Variants in UHRF2 observed in about 807,000 individuals in gnomAD.
The protein encoded by UHRF2 is ubiquitin like with PHD and ring finger domains 2, also known as E3 ubiquitin-protein ligase UHRF2.
UHRF2 carries 23 observed loss-of-function variants against 96.8 expected under a neutral mutation model. The ratio of observed to expected loss-of-function variants is 0.24; its 90% confidence interval spans 0.17 to 0.34. UHRF2 has a LOEUF of 0.34. Among genes scored for constraint, UHRF2 ranks in the 10% least tolerant of loss-of-function variants. UHRF2 has a pLI of 1.00. For missense variants in UHRF2, 685 were observed against 981.5 expected (o/e 0.70, Z 4.04); for synonymous variants, 385 against 332.6 (o/e 1.16, Z -1.72).
intron 9 of UHRF2, among the ~76,000 whole-genome samples, chr9:6,488,173 G>T (rs538156074): frequency 6.9e-6 from 1 of 145,418 alleles, no homozygotes; most frequent in Non-Finnish European, 1.5e-5. Context: ...AGCTCAGGAG[G>T]TCGAGGCTGT....
chr9:6,459,966 T>C (rs1387361979), intron 3 of UHRF2, among the ~76,000 whole-genome samples: 1 of 152,138 alleles, frequency 6.6e-6, no homozygotes, highest in Non-Finnish European at 1.5e-5. Context: ...GAGTGAGACC[T>C]TGTCTCAGAA....
chr9:6,478,598 A>G (rs909622279), intron 6 of UHRF2, among the ~76,000 whole-genome samples: 1 of 152,298 alleles, frequency 6.6e-6, no homozygotes, highest in African/African-American at 2.4e-5. Context: ...CCAAAGTTGA[A>G]CCTTTTAATA....
intron 9 of UHRF2, among the ~76,000 whole-genome samples, chr9:6,491,124 T>A (rs1587871852): frequency 6.6e-6 from 1 of 152,330 alleles, no homozygotes; most frequent in East Asian, 1.9e-4. Flanking sequence ...GCCTTGTATT[T>A]TGGTGACCTC....
At chr9:6,499,300 A>G (rs1478169316) in intron 12 of UHRF2, 1 of 146,804 alleles carries the variant, frequency 6.8e-6, no homozygotes, top group Non-Finnish European at 1.5e-5. Context: ...TGATAGATAG[A>G]ATGTATTACT....
At chr9:6,452,860 T>G (rs544978089) in intron 3 of UHRF2, among the ~76,000 whole-genome samples, 1 of 152,238 alleles carries the variant, frequency 6.6e-6, no homozygotes, top group East Asian at 1.9e-4. Context: ...AGAGTGGAGC[T>G]TTAGAGTTGT....
intron 3 of UHRF2, among the ~76,000 whole-genome samples, chr9:6,436,529 A>T (rs1487571829): frequency 6.6e-6 from 1 of 152,232 alleles, no homozygotes; most frequent in Non-Finnish European, 1.5e-5. Context: ...GAAAACTACT[A>T]CCTTGAATCT....
intron 3 of UHRF2, among the ~76,000 whole-genome samples, chr9:6,438,421 G>C (rs1408259248): frequency 6.6e-6 from 1 of 152,184 alleles, no homozygotes; most frequent in Non-Finnish European, 1.5e-5. Flanking sequence ...TCACATTTTT[G>C]TACTTTAACT....
intron 8 of UHRF2, among the ~76,000 whole-genome samples, chr9:6,483,932 G>C (rs1824088056): frequency 6.6e-6 from 1 of 152,072 alleles, no homozygotes; most frequent in South Asian, 2.1e-4. Flanking sequence ...CGGGTGATCT[G>C]CCTGTCTCAG....
intron 4 of UHRF2, among the ~76,000 whole-genome samples, chr9:6,472,996 A>C (rs1189828241): frequency 3.9e-5 from 6 of 152,370 alleles, no homozygotes; most frequent in African/African-American, 1.4e-4. Flanking sequence ...TATGTTTAAA[A>C]TGTATAGGGT....
At chr9:6,438,496 CAAA>C (rs1554623157) in intron 3 of UHRF2, among the ~76,000 whole-genome samples, 8 of 152,162 alleles carry the variant, frequency 5.3e-5, no homozygotes, top group Non-Finnish European at 2.9e-5. Context: ...GTATTTCTCT[CAAA>C]GAACTACTTT....
chr9:6,432,402 C>T (rs541420140), intron 2 of UHRF2, among the ~76,000 whole-genome samples: 3 of 152,254 alleles, frequency 2.0e-5, no homozygotes, highest in Non-Finnish European at 4.4e-5. Flanking sequence ...TTTCTAAGTT[C>T]CTCACTTACC....
chr9:6,418,289 A>C (rs1203096449), intron 1 of UHRF2, among the ~76,000 whole-genome samples: 1 of 149,308 alleles, frequency 6.7e-6, no homozygotes, highest in East Asian at 1.9e-4. Context: ...AAATCAAGGA[A>C]GCAATATTCC....
chr9:6,425,957 T>G (rs1459429087), intron 2 of UHRF2, among the ~76,000 whole-genome samples: 2 of 152,252 alleles, frequency 1.3e-5, no homozygotes, highest in Non-Finnish European at 2.9e-5. Context: ...CTTTTCATCT[T>G]TGGCCAGAGT....
At chr9:6,424,562 A>C (rs1820132663) in intron 2 of UHRF2, among the ~76,000 whole-genome samples, 1 of 152,196 alleles carries the variant, frequency 6.6e-6, no homozygotes, top group African/African-American at 2.4e-5. Context: ...GATTTGTAGC[A>C]AAATTGAAGA....
chr9:6,460,191 A>G (rs981911257), intron 3 of UHRF2, among the ~76,000 whole-genome samples: 2 of 152,242 alleles, frequency 1.3e-5, no homozygotes, highest in African/African-American at 4.8e-5. Flanking sequence ...TATAACAGTA[A>G]TACGTGACTG....
At chr9:6,489,727 TG>T (rs145578750) in intron 9 of UHRF2, among the ~76,000 whole-genome samples, 106 of 137,840 alleles carry the variant, frequency 7.7e-4, no homozygotes, top group African/African-American at 1.6e-3. Flanking sequence ...ATTGGGTTTT[TG>T]TTTTTTTTTT....
chr9:6,470,110 C>G (rs1563783469), intron 4 of UHRF2, among the ~76,000 whole-genome samples: 1 of 152,142 alleles, frequency 6.6e-6, no homozygotes, highest in Non-Finnish European at 1.5e-5. Flanking sequence ...GTGGCTCACG[C>G]CTATATAATC....
rs1193647542 is a variant in UHRF2, at chr9:6,506,244, G to A, written c.*65G>A. ...GACAATAAAGAATCTAAAATGGGTG[G>A]GGAGGGTGGAAGAAATGGTGGACTG... On this transcript the variant is annotated 3_prime_UTR_variant, in exon 16 of 16. Coordinates refer to ENST00000276893, the MANE Select transcript of UHRF2 (RefSeq NM_152896.3). 1.3e-6 allele frequency: 2 copies of A among 1,586,506 alleles called. No homozygotes were observed. The highest frequency in any genetic ancestry group is 1.3e-5 in the African/African-American group (1 of 74,296).
At chr9:6,442,122 G>A (rs183072231) in intron 3 of UHRF2, among the ~76,000 whole-genome samples, 66 of 152,208 alleles carry the variant, frequency 4.3e-4, no homozygotes, top group Non-Finnish European at 6.2e-4. Context: ...CTGGCACCAC[G>A]TCTGGCTAGT....
Sources: allele counts gnomAD v4.1 joint callset (sites outside exome capture counted in the v4.1 genomes callset), GRCh38; gene constraint gnomAD v4.1.1; transcripts MANE v1.5; gene names NCBI Gene and HGNC (gene_info 2026-07-23, HGNC 2026-07-21).